The following GNB4 variants were observed in gnomAD, a reference collection of about 807,000 sequenced individuals.
The protein encoded by GNB4 is G protein subunit beta 4.
GNB4 carries 28 observed loss-of-function variants against 45.2 expected under a neutral mutation model. The observed-to-expected ratio is 0.62, with a 90% CI of 0.46 to 0.85. The LOEUF is 0.85. Ranked by LOEUF, GNB4 falls within the 40% of genes least tolerant of loss-of-function variation. The pLI, the probability that GNB4 is intolerant of heterozygous loss-of-function variation, is 0.00. For missense variants in GNB4, 321 were observed against 425.4 expected, an observed-to-expected ratio of 0.75 and a Z score of 2.16; for synonymous variants, 132 against 143.7, an observed-to-expected ratio of 0.92 and a Z score of 0.58.
intron 8 of GNB4, 31 bp from the exon 9 acceptor site, chr3:179,405,437 A>G (rs983492149): frequency 2.8e-6 from 4 of 1,451,458 alleles, no homozygotes; most frequent in Non-Finnish European, 2.9e-6. Context: ...CATTTATTCT[A>G]CAGATGTATG....
chr3:179,415,074 C>A, intron 5 of GNB4, 27 bp from the exon 6 acceptor site: 3 of 1,513,416 alleles, frequency 2.0e-6, no homozygotes, highest in Non-Finnish European at 2.7e-6. Context: ...ACACATCACT[C>A]AGATTACAAA....
chr3:179,426,731 T>C (rs916042027), intron 1 of GNB4, among the ~76,000 whole-genome samples: 9 of 152,174 alleles, frequency 5.9e-5, no homozygotes, highest in Admixed American at 2.6e-4. Flanking sequence ...TCGAATCCAT[T>C]TGCAAATCAT....
At position 179,397,226 on chromosome 3, in the gene GNB4, A is replaced by T. The variant is rs551669278; in HGVS notation, c.*3987T>A. The T allele has an allele frequency of 5.9e-5, 9 of 152,352 alleles. No individual in the cohort carries two copies. The highest frequency in any genetic ancestry group is 2.2e-4 in the African/African-American group (9 of 41,578). 9.4% of individuals were successfully genotyped at this position (152,352 alleles called of 1,614,324 possible). ...AGTATTCAATTGTGTTACAACTTAG[A>T]TCTGAGACATTTACATCAAAGCATA... On this transcript the variant is annotated 3_prime_UTR_variant, in exon 10 of 10. Transcript: ENST00000232564.
chr3:179,419,515 G>C lies in GNB4; in HGVS notation c.97-10C>G. The C allele has an allele frequency of 6.7e-7, 1 of 1,494,002 alleles. No individual in the cohort carries two copies. Among genetic ancestry groups the C allele is most frequent in the Admixed American group, 1.7e-5 (1 of 59,576 alleles). 92.5% of individuals were successfully genotyped at this position (1,494,002 alleles called of 1,614,324 possible). On this transcript the variant is annotated splice_polypyrimidine_tract_variant and intron_variant, in intron 3 of 9. Coordinates refer to ENST00000232564, the MANE Select transcript of GNB4 (RefSeq NM_021629.4). ...CCATATTTGATGTAATCTTTTGAAAGCAACAAAAATGTTATTCTTTACCTT... is the reference window on the plus strand; with the variant it reads ...CCATATTTGATGTAATCTTTTGAAACCAACAAAAATGTTATTCTTTACCTT...
chr3:179,468,294 G>A, the GNB4 span, among the ~76,000 whole-genome samples: 1 of 151,446 alleles, frequency 6.6e-6, no homozygotes, highest in African/African-American at 2.4e-5. Context: ...TCAGGAGTTC[G>A]AGACCATCCT....
chr3:179,463,816 A>G, the GNB4 span, among the ~76,000 whole-genome samples: 2 of 152,188 alleles, frequency 1.3e-5, no homozygotes, highest in Non-Finnish European at 2.9e-5. Context: ...AGCCCTTCAT[A>G]GAGTCTCTTA....
Position 179,415,004 on chromosome 3 carries a change from G to A in GNB4, c.311C>T (p.Ala104Val), listed in dbSNP as rs761510333. 1 of 1,610,388 alleles carries A rather than the reference G, an allele frequency of 6.2e-7. No homozygotes were observed. The highest frequency in any genetic ancestry group is 8.5e-7 in the Non-Finnish European group (1 of 1,177,492). Residue 104 changes from alanine to valine, a missense_variant, in exon 6 of 10, where the codon GCT (alanine) becomes GTT (valine). By Grantham distance (64) the Ala-to-Val change is moderately conservative. Transcript: ENST00000232564. ...AACATAATTACCAGAGGGAGCATAAGCACAGGTCATCACCCAGGAGGACCT... is the reference window on the plus strand; with the variant it reads ...AACATAATTACCAGAGGGAGCATAAACACAGGTCATCACCCAGGAGGACCT... ...PLRSSWVMTC[A>V]YAPSGNYVAC...
At chr3:179,414,780 A>T in intron 6 of GNB4, 105 bp downstream of exon 6, 2 of 796,592 alleles carry the variant, frequency 2.5e-6, no homozygotes, top group Non-Finnish European at 3.7e-6. Context: ...CCACCCGATT[A>T]ATCCTCATCC....
At chr3:179,491,689 C>A in the GNB4 span, among the ~76,000 whole-genome samples, 1 of 152,136 alleles carries the variant, frequency 6.6e-6, no homozygotes, top group Non-Finnish European at 1.5e-5. Flanking sequence ...CCATCCCAGA[C>A]ATGTTTCAAG....
chr3:179,485,140 C>A, the GNB4 span, among the ~76,000 whole-genome samples: 3 of 151,130 alleles, frequency 2.0e-5, no homozygotes, highest in Non-Finnish European at 4.4e-5. Flanking sequence ...CCTCCCAAGT[C>A]GCTGGGACTA....
At chr3:179,521,083 G>A in the GNB4 span, among the ~76,000 whole-genome samples, 3 of 152,110 alleles carry the variant, frequency 2.0e-5, no homozygotes, top group African/African-American at 7.2e-5. Flanking sequence ...CTGGCAAATT[G>A]ATATTACTCA....
Position 179,414,679 on chromosome 3 carries a change from CAA to C in GNB4, c.430+204_430+205del, listed in dbSNP as rs1452592964. ...GTAAATTTATCATTTTTTACAAAAA[CAA>C]TACAGCTATTTTTGAAAAATAAAAT... On this transcript the variant is annotated intron_variant, in intron 6 of 9. Transcript: ENST00000232564. 2.6e-5 allele frequency among the ~76,000 whole-genome samples: 4 copies of C among 152,120 alleles called. No homozygotes were observed. In the East Asian group the frequency reaches 7.7e-4, roughly 29 times the overall value.
At chr3:179,527,280 G>C in the GNB4 span, among the ~76,000 whole-genome samples, 1 of 152,160 alleles carries the variant, frequency 6.6e-6, no homozygotes, top group South Asian at 2.1e-4. Flanking sequence ...CATTGCTACA[G>C]AAAGGATGAA....
At chr3:179,522,022 G>A in the GNB4 span, among the ~76,000 whole-genome samples, 6 of 151,532 alleles carry the variant, frequency 4.0e-5, no homozygotes, top group East Asian at 1.9e-4. Flanking sequence ...AATTTTCGCC[G>A]CCCCAACACT....
At chr3:179,499,495 T>C in the GNB4 span, among the ~76,000 whole-genome samples, 1 of 152,216 alleles carries the variant, frequency 6.6e-6, no homozygotes, top group Non-Finnish European at 1.5e-5. Flanking sequence ...CTATCATTCA[T>C]GGGCATTTGG....
At position 179,401,147 on chromosome 3, in the gene GNB4, A is replaced by T; in HGVS notation, c.*66T>A. 1 of 1,041,958 alleles carries T rather than the reference A, an allele frequency of 9.6e-7. No individual in the cohort carries two copies. Among genetic ancestry groups the T allele is most frequent in the Non-Finnish European group, 1.4e-6 (1 of 737,172 alleles). The allele number at this position is 1,041,958 out of a possible 1,614,324, so 64.5% of individuals were successfully genotyped here. A position where few individuals can be genotyped will look rare whatever the true frequency, so the allele number is the denominator to read the frequency against. ...TGCAAATATAAGGTAGAATTTTTTC[A>T]CAGCTATAGGCTGTAGCATTGATTT... On this transcript the variant is annotated 3_prime_UTR_variant, in exon 10 of 10. Transcript: ENST00000232564.
At chr3:179,416,367 G>C (rs1013364493) in intron 5 of GNB4, 126 bp downstream of exon 5, 1 of 624,978 alleles carries the variant, frequency 1.6e-6, no homozygotes, top group African/African-American at 1.9e-5. Context: ...AGAAGAACTA[G>C]ATTAAAATAA....
chr3:179,525,118 G>A, the GNB4 span, among the ~76,000 whole-genome samples: 4 of 152,120 alleles, frequency 2.6e-5, no homozygotes, highest in East Asian at 5.8e-4. Context: ...CGGGTGAGTC[G>A]CATTAGGAGC....
chr3:179,412,785 T>C (rs1714687585), intron 8 of GNB4, among the ~76,000 whole-genome samples: 1 of 151,830 alleles, frequency 6.6e-6, no homozygotes, highest in African/African-American at 2.4e-5. Context: ...GACTTTTTTC[T>C]CATCTGAATT....
Sources: allele counts gnomAD v4.1 joint callset (sites outside exome capture counted in the v4.1 genomes callset), GRCh38; gene constraint gnomAD v4.1.1; transcripts MANE v1.5; gene names NCBI Gene and HGNC (gene_info 2026-07-23, HGNC 2026-07-21).